FRMD4B: variants seen among roughly 807,000 people sequenced by gnomAD.
FRMD4B encodes FERM domain-containing protein 4B.
FRMD4B carries 74 observed loss-of-function variants against 141.5 expected under a neutral mutation model. The observed-to-expected ratio is 0.52, with a 90% CI of 0.43 to 0.63. The LOEUF (loss-of-function observed/expected upper bound fraction) is 0.63, where lower values mean the gene tolerates loss of function less well. Among genes scored for constraint, FRMD4B ranks in the 30% least tolerant of loss-of-function variants. FRMD4B has a pLI of 0.00. For synonymous variants in FRMD4B, 506 were observed against 467.9 expected, an observed-to-expected ratio of 1.08 and a Z score of -1.05; for missense variants, 1,366 against 1,253.4, an observed-to-expected ratio of 1.09 and a Z score of -1.36.
At position 69,325,423 on chromosome 3, in the gene FRMD4B, T is replaced by A. The variant is rs540158307; in HGVS notation, c.163-11906A>T. ...TCAGATTCTAGCCTGATCTGATAAG[T>A]CTGGTGAAAAGAAAAGCCAGGTTTT... On this transcript the variant is annotated intron_variant, in intron 1 of 22. Coordinates refer to ENST00000398540, the MANE Select transcript of FRMD4B (RefSeq NM_015123.3). Among the ~76,000 whole-genome samples the A allele has an allele frequency of 3.3e-5, 5 of 152,256 alleles. No individual in the cohort carries two copies. In the East Asian group the frequency reaches 9.6e-4, roughly 29 times the overall value.
At chr3:69,489,452 A>C (rs1421911416) in intron 1 of FRMD4B, among the ~76,000 whole-genome samples, 1 of 152,164 alleles carries the variant, frequency 6.6e-6, no homozygotes, top group Admixed American at 6.5e-5. Flanking sequence ...TCTCCAAAGA[A>C]AATATATAAA....
intron 5 of FRMD4B, among the ~76,000 whole-genome samples, chr3:69,263,320 A>G (rs2093540006): frequency 6.6e-6 from 1 of 152,024 alleles, no homozygotes; most frequent in Non-Finnish European, 1.5e-5. Context: ...ACTGTAAGAG[A>G]AAATGTGAGG....
chr3:69,418,000 C>G (rs1368538488), intron 2 of FRMD4B, among the ~76,000 whole-genome samples: 3 of 152,090 alleles, frequency 2.0e-5, no homozygotes, highest in Admixed American at 2.0e-4. Flanking sequence ...TCACAGGGGT[C>G]TTGTGATGGT....
At chr3:69,221,555 A>C (rs1337278716) in intron 9 of FRMD4B, among the ~76,000 whole-genome samples, 4 of 152,172 alleles carry the variant, frequency 2.6e-5, no homozygotes, top group Non-Finnish European at 4.4e-5. Flanking sequence ...CTGAATTCTA[A>C]AGCTGAGTAA....
intron 1 of FRMD4B, among the ~76,000 whole-genome samples, chr3:69,455,562 C>T (rs567908177): frequency 6.6e-6 from 1 of 152,144 alleles, no homozygotes; most frequent in Non-Finnish European, 1.5e-5. Flanking sequence ...ACTACGAACA[C>T]GTCCGACGGA....
At position 69,431,125 on chromosome 3, in the gene FRMD4B, G is replaced by A. The variant is rs528542268; in HGVS notation, c.-1+1509C>T. 1.8e-3 allele frequency among the ~76,000 whole-genome samples: 270 copies of A among 152,298 alleles called. 2 individuals carry two copies. The highest frequency in any genetic ancestry group is 3.3e-3 in the Non-Finnish European group (224 of 68,024). On this transcript the variant is annotated intron_variant, in intron 2 of 5. Transcript: ENST00000459638. Reference sequence around the variant, plus strand: ...CAAAGAAGGCAAGAATGAGGACAGGGAGCTAAGGAGGTGAGGCTAGAGACA... The same window carrying A: ...CAAAGAAGGCAAGAATGAGGACAGGAAGCTAAGGAGGTGAGGCTAGAGACA...
At chr3:69,378,480 T>C (rs145269525) in intron 1 of FRMD4B, among the ~76,000 whole-genome samples, 413 of 152,234 alleles carry the variant, frequency 2.7e-3, no homozygotes, top group African/African-American at 9.0e-3. Context: ...ATTGAATAGA[T>C]AGTATGAGCA....
chr3:69,418,412 CT>C (rs1273618660), intron 2 of FRMD4B, among the ~76,000 whole-genome samples: 1 of 152,104 alleles, frequency 6.6e-6, no homozygotes, highest in Non-Finnish European at 1.5e-5. Context: ...GTAGCCAGGG[CT>C]TGTATCTGCT....
intron 5 of FRMD4B, among the ~76,000 whole-genome samples, chr3:69,286,509 AAG>A (rs1700693818): frequency 6.6e-6 from 1 of 152,216 alleles, no homozygotes; most frequent in East Asian, 1.9e-4. Context: ...GGAAACAACA[AAG>A]AGTTATAGCT....
At chr3:69,344,217 G>T (rs6774274) in intron 1 of FRMD4B, among the ~76,000 whole-genome samples, 105,273 of 152,060 alleles carry the variant, frequency 0.69, 37,262 homozygotes, top group African/African-American at 0.83. Context: ...CAACCTTGCC[G>T]TACTTAGTTT....
intron 22 of FRMD4B, 90 bp from the exon 23 acceptor site, chr3:69,172,071 A>G (rs1028924461): frequency 3.3e-5 from 40 of 1,225,010 alleles, no homozygotes; most frequent in Non-Finnish European, 4.1e-5. Context: ...AGTTAGTAGG[A>G]AGCACTGTTA....
chr3:69,383,465 C>G (rs900018899), intron 1 of FRMD4B, among the ~76,000 whole-genome samples: 1 of 152,124 alleles, frequency 6.6e-6, no homozygotes, highest in Non-Finnish European at 1.5e-5. Context: ...TTCATTGATA[C>G]ATATTAGATG....
intron 1 of FRMD4B, among the ~76,000 whole-genome samples, chr3:69,527,975 T>C (rs563424915): frequency 6.6e-6 from 1 of 152,196 alleles, no homozygotes; most frequent in Non-Finnish European, 1.5e-5. Context: ...CAGACACTGA[T>C]AGAGGCAAGA....
chr3:69,360,190 G>C (rs1397768234), intron 1 of FRMD4B, among the ~76,000 whole-genome samples: 1 of 152,106 alleles, frequency 6.6e-6, no homozygotes, highest in Non-Finnish European at 1.5e-5. Flanking sequence ...TCAAAGACCA[G>C]TGTCATAACC....
chr3:69,293,697 A>T (rs2107115483), intron 4 of FRMD4B, among the ~76,000 whole-genome samples: 1 of 152,094 alleles, frequency 6.6e-6, no homozygotes, highest in Non-Finnish European at 1.5e-5. Flanking sequence ...CCTGGCCATC[A>T]TGGTAAAAAC....
At chr3:69,201,882 C>A (rs2092971206) in intron 11 of FRMD4B, among the ~76,000 whole-genome samples, 1 of 152,102 alleles carries the variant, frequency 6.6e-6, no homozygotes, top group Non-Finnish European at 1.5e-5. Flanking sequence ...AAAAGGCACC[C>A]TCTGGTCAAA....
At chr3:69,287,212 TTAGA>T (rs1429922052) in intron 5 of FRMD4B, among the ~76,000 whole-genome samples, 1 of 152,252 alleles carries the variant, frequency 6.6e-6, no homozygotes, top group African/African-American at 2.4e-5. Context: ...CCTTGATTCA[TTAGA>T]TAGAAATAAA....
intron 1 of FRMD4B, chr3:69,353,788 A>G: frequency 1.3e-6 from 1 of 763,722 alleles, no homozygotes; most frequent in African/African-American, 1.9e-5. Context: ...ATTAGAAACA[A>G]AAGCCTTTCA....
At chr3:69,478,040 C>T (rs1451169222) in intron 1 of FRMD4B, among the ~76,000 whole-genome samples, 3 of 152,044 alleles carry the variant, frequency 2.0e-5, no homozygotes, top group African/African-American at 7.2e-5. Flanking sequence ...TCTGAGGGAT[C>T]AGTGGTGATA....
Sources: gnomAD v4.1 joint callset for allele counts (sites outside exome capture counted in the v4.1 genomes callset) on GRCh38, gnomAD v4.1.1 for gene constraint, MANE v1.5 for transcripts, NCBI Gene and HGNC (gene_info 2026-07-23, HGNC 2026-07-21) for gene names.